Variants in DCDC2 observed in about 807,000 individuals in gnomAD.
DCDC2 encodes the protein doublecortin domain-containing protein 2.
Under a neutral mutation model 50.2 loss-of-function variants are expected in DCDC2, and 40 were observed. The ratio of observed to expected loss-of-function variants is 0.80; its 90% CI spans 0.62 to 1.04. The LOEUF (loss-of-function observed/expected upper bound fraction) is 1.04, where lower values mean the gene tolerates loss of function less well. Among genes scored for constraint, DCDC2 ranks in the 50% least tolerant of loss-of-function variants. DCDC2 has a pLI of 0.00. For synonymous variants in DCDC2, 234 were observed against 210.6 expected (o/e 1.11, Z -0.96); for missense variants, 570 against 581.9 (o/e 0.98, Z 0.21).
At chr6:24,231,702 TA>T (rs938512409) in intron 7 of DCDC2, among the ~76,000 whole-genome samples, 4 of 151,416 alleles carry the variant, frequency 2.6e-5, no homozygotes, top group African/African-American at 7.3e-5. Context: ...CAGGAGACAT[TA>T]AAAAAAACAG....
intron 9 of DCDC2, among the ~76,000 whole-genome samples, chr6:24,175,111 T>G (rs1760873801): frequency 6.6e-6 from 1 of 152,190 alleles, no homozygotes; most frequent in Non-Finnish European, 1.5e-5. Flanking sequence ...TTTCTCATTT[T>G]TTCTTGATTT....
chr6:24,260,360 C>T (rs1762983119), intron 7 of DCDC2, among the ~76,000 whole-genome samples: 1 of 152,226 alleles, frequency 6.6e-6, no homozygotes, highest in African/African-American at 2.4e-5. Flanking sequence ...TAATTCGTAT[C>T]TCCTTACATA....
At chr6:24,290,840 A>T in intron 5 of DCDC2, 92 bp downstream of exon 5, 2 of 1,076,034 alleles carry the variant, frequency 1.9e-6, no homozygotes, top group Non-Finnish European at 2.7e-6. Context: ...TAAGATTATC[A>T]ATTACATAAA....
intron 8 of DCDC2, among the ~76,000 whole-genome samples, chr6:24,188,198 G>C (rs1761244571): frequency 6.6e-6 from 1 of 152,154 alleles, no homozygotes; most frequent in Admixed American, 6.6e-5. Context: ...TGCTGACAAT[G>C]CTGGTCCCCA....
At chr6:24,360,028 G>A (rs1760638584), upstream of DCDC2, among the ~76,000 whole-genome samples, 1 of 152,180 alleles carries the variant, frequency 6.6e-6, no homozygotes, top group Non-Finnish European at 1.5e-5. Context: ...GGGGCGGTGC[G>A]GCTCGGGTGG....
intron 6 of DCDC2, among the ~76,000 whole-genome samples, chr6:24,288,037 T>G (rs1016618040): frequency 2.0e-5 from 3 of 152,202 alleles, no homozygotes; most frequent in African/African-American, 7.2e-5. Context: ...GAATTTCACA[T>G]GATATAACCA....
chr6:24,232,965 T>C (rs905599954), intron 7 of DCDC2, among the ~76,000 whole-genome samples: 21 of 152,218 alleles, frequency 1.4e-4, no homozygotes, highest in Non-Finnish European at 1.6e-4. Context: ...TCTTTCCTTT[T>C]CTGAAGCATG....
chr6:24,381,799 A>AAGG, the DCDC2 span, among the ~76,000 whole-genome samples: 1 of 88,218 alleles, frequency 1.1e-5, no homozygotes, highest in Non-Finnish European at 2.3e-5. Flanking sequence ...GAAAGGAAGG[A>AAGG]AAGAAAGGAA....
chr6:24,203,916 T>G (rs1008440319), intron 8 of DCDC2, among the ~76,000 whole-genome samples: 4 of 152,010 alleles, frequency 2.6e-5, no homozygotes, highest in African/African-American at 9.7e-5. Flanking sequence ...ATTAGAAAAA[T>G]GTAAATCAAA....
At chr6:24,317,613 T>A (rs974993595) in intron 2 of DCDC2, among the ~76,000 whole-genome samples, 14 of 152,044 alleles carry the variant, frequency 9.2e-5, no homozygotes, top group Non-Finnish European at 2.1e-4. Context: ...TATGACTCCA[T>A]ATCCAGAGGC....
At chr6:24,196,759 A>G (rs1561886101) in intron 8 of DCDC2, among the ~76,000 whole-genome samples, 1 of 152,148 alleles carries the variant, frequency 6.6e-6, no homozygotes, top group Non-Finnish European at 1.5e-5. Flanking sequence ...TGTTTTCATA[A>G]TTAAACGAAA....
the DCDC2 span, among the ~76,000 whole-genome samples, chr6:24,365,294 C>CTTTG: frequency 6.6e-6 from 1 of 152,142 alleles, no homozygotes; most frequent in Non-Finnish European, 1.5e-5. Flanking sequence ...AGGTTTAGAG[C>CTTTG]TTTGTTTGTT....
intron 4 of DCDC2, among the ~76,000 whole-genome samples, chr6:24,293,931 T>C (rs1184525630): frequency 6.6e-6 from 1 of 152,122 alleles, no homozygotes; most frequent in Non-Finnish European, 1.5e-5. Flanking sequence ...CTGAGTGACT[T>C]TGGGGTAAAT....
chr6:24,350,522 T>G (rs1420324930), intron 2 of DCDC2, among the ~76,000 whole-genome samples: 1 of 152,174 alleles, frequency 6.6e-6, no homozygotes, highest in African/African-American at 2.4e-5. Flanking sequence ...GGGTGGTGGC[T>G]TTTATTATGC....
intron 4 of DCDC2, among the ~76,000 whole-genome samples, chr6:24,297,968 T>C (rs1235268172): frequency 6.6e-6 from 1 of 152,206 alleles, no homozygotes; most frequent in East Asian, 1.9e-4. Flanking sequence ...ACTTAAAACA[T>C]ATCAGAAAAG....
At chr6:24,349,783 A>G (rs181614576) in intron 2 of DCDC2, among the ~76,000 whole-genome samples, 278 of 152,300 alleles carry the variant, frequency 1.8e-3, no homozygotes, top group African/African-American at 6.4e-3. Flanking sequence ...ATAGCTATGC[A>G]AAATGACTCA....
At chr6:24,306,217 C>T (rs776669979) in intron 2 of DCDC2, among the ~76,000 whole-genome samples, 2 of 151,938 alleles carry the variant, frequency 1.3e-5, no homozygotes, top group Non-Finnish European at 2.9e-5. Flanking sequence ...TCTGTGACTA[C>T]GAAACCAATC....
intron 7 of DCDC2, among the ~76,000 whole-genome samples, chr6:24,260,979 C>G (rs180896133): frequency 8.5e-5 from 13 of 152,300 alleles, no homozygotes; most frequent in Non-Finnish European, 1.6e-4. Flanking sequence ...TTAAGAGAAA[C>G]AGTCATTGTT....
At chr6:24,284,788 G>A (rs1399582765) in intron 6 of DCDC2, among the ~76,000 whole-genome samples, 1 of 152,002 alleles carries the variant, frequency 6.6e-6, no homozygotes, top group Non-Finnish European at 1.5e-5. Flanking sequence ...CACATGCCAG[G>A]CTCTTTAGCA....
Sources: allele counts gnomAD v4.1 joint callset (sites outside exome capture counted in the v4.1 genomes callset), GRCh38; gene constraint gnomAD v4.1.1; transcripts MANE v1.5; gene names NCBI Gene and HGNC (gene_info 2026-07-23, HGNC 2026-07-21).